GRM5: variants seen among roughly 807,000 people sequenced by gnomAD.
GRM5 encodes the protein metabotropic glutamate receptor 5.
Under a neutral mutation model 83.1 loss-of-function variants are expected in GRM5, and 19 were observed. That is an observed-to-expected ratio of 0.23 (90% CI 0.16 to 0.34). The LOEUF is 0.34. Ranked by LOEUF, GRM5 falls within the 10% of genes least tolerant of loss-of-function variation. The probability of loss-of-function intolerance (pLI) is 1.00; values close to 1 mark genes in which losing one functional copy is unlikely to be tolerated. For synonymous variants in GRM5, 675 were observed against 633.6 expected, an observed-to-expected ratio of 1.07 and a Z score of -0.98; for missense variants, 1,160 against 1,588.3, an observed-to-expected ratio of 0.73 and a Z score of 4.58.
Position 88,731,250 on chromosome 11 carries a change from C to T in GRM5, c.912-77847G>A, listed in dbSNP as rs905638519. On this transcript the variant is annotated intron_variant, in intron 3 of 9. Coordinates refer to ENST00000305447, the MANE Select transcript of GRM5 (RefSeq NM_001143831.3). ...TCATAATTCACCACTTCTACTTATA[C>T]ATGAGTCTCTAGTAATGTTAAACTG... is the stretch of plus-strand genomic sequence containing the variant. 4.6e-5 allele frequency among the ~76,000 whole-genome samples: 7 copies of T among 152,154 alleles called. No homozygotes were observed. In the East Asian group the frequency reaches 1.4e-3, roughly 30 times the overall value.
chr11:88,930,728 T>C (rs988990553), intron 2 of GRM5, among the ~76,000 whole-genome samples: 3 of 152,094 alleles, frequency 2.0e-5, no homozygotes, highest in Admixed American at 6.6e-5. Context: ...TTTGTATTTT[T>C]AGTAGAGATG....
At chr11:88,902,769 T>C (rs2135597064) in intron 2 of GRM5, among the ~76,000 whole-genome samples, 1 of 151,516 alleles carries the variant, frequency 6.6e-6, no homozygotes, top group East Asian at 1.9e-4. Context: ...GCCTGGCCAA[T>C]GTGAAACCCT....
chr11:88,895,132 C>T (rs1237446155), intron 2 of GRM5, among the ~76,000 whole-genome samples: 5 of 151,640 alleles, frequency 3.3e-5, no homozygotes, highest in Non-Finnish European at 5.9e-5. Context: ...ATTGTAAGCC[C>T]TATTGAAACA....
At chr11:88,840,385 C>T (rs1288810992) in intron 3 of GRM5, among the ~76,000 whole-genome samples, 1 of 152,176 alleles carries the variant, frequency 6.6e-6, no homozygotes, top group South Asian at 2.1e-4. Flanking sequence ...CACTCATCTC[C>T]ATCAAAGTCA....
chr11:88,954,429 T>C (rs1291198564), intron 2 of GRM5, among the ~76,000 whole-genome samples: 6 of 152,138 alleles, frequency 3.9e-5, no homozygotes, highest in Admixed American at 3.9e-4. Context: ...ATGTTATTAT[T>C]CTTATCACAT....
At chr11:88,936,970 AAGATT>A (rs1386139874) in intron 2 of GRM5, among the ~76,000 whole-genome samples, 6 of 151,790 alleles carry the variant, frequency 4.0e-5, no homozygotes, top group African/African-American at 1.4e-4. Context: ...GGAGGATGGA[AAGATT>A]AGAAGCTGGA....
intron 3 of GRM5, among the ~76,000 whole-genome samples, chr11:88,686,704 A>G (rs1419643252): frequency 6.6e-6 from 1 of 152,030 alleles, no homozygotes; most frequent in Admixed American, 6.6e-5. Context: ...ACAAAATCTG[A>G]TGGTTTTATG....
chr11:88,999,988 A>G (rs977482234), intron 2 of GRM5, among the ~76,000 whole-genome samples: 5 of 152,186 alleles, frequency 3.3e-5, no homozygotes, highest in East Asian at 1.9e-4. Context: ...TATCGCAAGG[A>G]CAAAAAACCA....
chr11:88,814,710 A>C (rs1943640710), intron 3 of GRM5, among the ~76,000 whole-genome samples: 1 of 152,218 alleles, frequency 6.6e-6, no homozygotes. Flanking sequence ...AGAATACAAC[A>C]ATCACAAAAG....
chr11:88,613,502 AC>A (rs1472478355), intron 4 of GRM5, among the ~76,000 whole-genome samples: 1 of 152,034 alleles, frequency 6.6e-6, no homozygotes. Context: ...AAGAAAAGCT[AC>A]CCCTGCAGTT....
intron 3 of GRM5, among the ~76,000 whole-genome samples, chr11:88,836,927 T>C (rs1241834637): frequency 2.6e-5 from 4 of 152,236 alleles, no homozygotes; most frequent in Non-Finnish European, 5.9e-5. Flanking sequence ...CCTTTGTTTC[T>C]CTGTAGATGT....
chr11:88,651,220 G>A (rs1018651439), intron 4 of GRM5, among the ~76,000 whole-genome samples: 3 of 151,954 alleles, frequency 2.0e-5, no homozygotes, highest in Non-Finnish European at 4.4e-5. Context: ...GGACTTCCAG[G>A]AAATAAAGAG....
At chr11:88,894,228 G>A (rs955720733) in intron 2 of GRM5, among the ~76,000 whole-genome samples, 9 of 151,900 alleles carry the variant, frequency 5.9e-5, no homozygotes, top group South Asian at 2.1e-4. Flanking sequence ...ATACATGATC[G>A]AACCAATCTA....
chr11:88,844,576 A>C (rs1209256178), intron 3 of GRM5, among the ~76,000 whole-genome samples: 1 of 152,208 alleles, frequency 6.6e-6, no homozygotes, highest in Non-Finnish European at 1.5e-5. Context: ...TATTATTTCT[A>C]AAATACATTT....
intron 4 of GRM5, among the ~76,000 whole-genome samples, chr11:88,641,631 G>A (rs1299818975): frequency 1.3e-5 from 2 of 152,122 alleles, no homozygotes; most frequent in Non-Finnish European, 2.9e-5. Flanking sequence ...CATTCCAAAA[G>A]GGAGAAATTT....
intron 3 of GRM5, among the ~76,000 whole-genome samples, chr11:88,848,409 C>T (rs368300410): frequency 7.7e-4 from 117 of 152,162 alleles, no homozygotes; most frequent in Middle Eastern, 3.4e-3. Flanking sequence ...TGATCACAGA[C>T]GGTCAGTTAA....
At chr11:88,852,438 T>C (rs1329144917) in intron 2 of GRM5, among the ~76,000 whole-genome samples, 1 of 152,072 alleles carries the variant, frequency 6.6e-6, no homozygotes, top group Non-Finnish European at 1.5e-5. Flanking sequence ...CCTACTGAAA[T>C]TATAAAGAAT....
intron 9 of GRM5, among the ~76,000 whole-genome samples, chr11:88,514,928 T>A (rs747020039): frequency 1.4e-4 from 22 of 152,152 alleles, no homozygotes; most frequent in Non-Finnish European, 2.9e-4. Flanking sequence ...GATTTTCACC[T>A]CTCTCTTAAG....
chr11:88,801,235 G>T (rs1047325121), intron 3 of GRM5, among the ~76,000 whole-genome samples: 1 of 152,138 alleles, frequency 6.6e-6, no homozygotes, highest in African/African-American at 2.4e-5. Flanking sequence ...TTGCCATGTA[G>T]ATACTGAGAA....
Sources: allele counts gnomAD v4.1 joint callset (sites outside exome capture counted in the v4.1 genomes callset), GRCh38; gene constraint gnomAD v4.1.1; transcripts MANE v1.5; gene names NCBI Gene and HGNC (gene_info 2026-07-23, HGNC 2026-07-21).